The following BRAP variants were observed in gnomAD, a reference collection of about 807,000 sequenced individuals.
BRAP encodes BRCA1 associated protein.
BRAP carries 42 observed loss-of-function variants against 73.4 expected under a neutral mutation model. The observed-to-expected ratio is 0.57, with a 90% CI of 0.45 to 0.74. The LOEUF is 0.74. Among genes scored for constraint, BRAP ranks in the 30% least tolerant of loss-of-function variants. The probability of loss-of-function intolerance (pLI) is 0.00; values close to 1 mark genes in which losing one functional copy is unlikely to be tolerated. For missense variants in BRAP, 593 were observed against 751.4 expected (o/e 0.79, Z 2.46); for synonymous variants, 255 against 267.4 (o/e 0.95, Z 0.45).
intron 5 of BRAP, among the ~76,000 whole-genome samples, chr12:111,670,579 G>T (rs962418200): frequency 6.6e-6 from 1 of 152,074 alleles, no homozygotes; most frequent in Non-Finnish European, 1.5e-5. Context: ...CTGCAACCTC[G>T]GCCTCCGGGG....
chr12:111,673,510 G>GAAAAAAAAAAAAAAAAA (rs11350832), intron 4 of BRAP, among the ~76,000 whole-genome samples: 1 of 118,160 alleles, frequency 8.5e-6, no homozygotes. Context: ...ATCTCAAAAA[G>GAAAAAAAAAAAAAAAAA]AAAAAAAAAA....
At chr12:111,645,157 C>T (rs193273246) in intron 11 of BRAP, among the ~76,000 whole-genome samples, 291 of 152,058 alleles carry the variant, frequency 1.9e-3, no homozygotes, top group Middle Eastern at 0.01. Flanking sequence ...CAACCTCTGC[C>T]GCTTGGGTTC....
intron 6 of BRAP, among the ~76,000 whole-genome samples, chr12:111,662,757 CAGAATGCAGAAA>C (rs1184062533): frequency 3.9e-5 from 6 of 151,920 alleles, no homozygotes; most frequent in African/African-American, 1.4e-4. Flanking sequence ...AGCCAGAAAG[CAGAATGCAGAAA>C]GTAGAAATTG....
At chr12:111,659,973 A>G (rs1886684627) in intron 7 of BRAP, among the ~76,000 whole-genome samples, 1 of 151,574 alleles carries the variant, frequency 6.6e-6, no homozygotes, top group Admixed American at 6.6e-5. Flanking sequence ...GCTTGGGAAG[A>G]TGAGATGGGA....
intron 11 of BRAP, among the ~76,000 whole-genome samples, chr12:111,646,631 G>A (rs1886121814): frequency 6.6e-6 from 1 of 152,038 alleles, no homozygotes; most frequent in South Asian, 2.1e-4. Context: ...AAATTAGCCG[G>A]GTGTGGTAGC....
At chr12:111,657,753 C>A (rs1375532177) in intron 9 of BRAP, among the ~76,000 whole-genome samples, 1 of 152,076 alleles carries the variant, frequency 6.6e-6, no homozygotes, top group Admixed American at 6.6e-5. Flanking sequence ...GTGGCACACA[C>A]CTGTAGTCCC....
intron 5 of BRAP, among the ~76,000 whole-genome samples, chr12:111,670,818 G>A (rs1262306585): frequency 6.6e-6 from 1 of 152,110 alleles, no homozygotes; most frequent in African/African-American, 2.4e-5. Flanking sequence ...AAAGAAATCT[G>A]GCCGGGCGCG....
intron 1 of BRAP, among the ~76,000 whole-genome samples, chr12:111,684,571 ATC>A (rs1290983507): frequency 6.6e-6 from 1 of 151,982 alleles, no homozygotes; most frequent in Non-Finnish European, 1.5e-5. Flanking sequence ...TATTTAATTC[ATC>A]TGTTTCCTCC....
intron 11 of BRAP, among the ~76,000 whole-genome samples, chr12:111,646,760 A>T (rs538527314): frequency 1.8e-4 from 27 of 152,336 alleles, no homozygotes; most frequent in African/African-American, 6.5e-4. Flanking sequence ...GTGACAGAGC[A>T]AGATTCCGTC....
rs560400429 is a variant in BRAP, at chr12:111,669,486, G to A, written c.747+3175C>T. Reference sequence around the variant, plus strand: ...GGTGATCCGCCTGCCTTCGCCTCCCGAAGTGCTGGGATTACAGGTGTGAGC... The same window carrying A: ...GGTGATCCGCCTGCCTTCGCCTCCCAAAGTGCTGGGATTACAGGTGTGAGC... On this transcript the variant is annotated intron_variant, in intron 5 of 11. Coordinates refer to ENST00000419234, the MANE Select transcript of BRAP (RefSeq NM_006768.5). 2.8e-4 allele frequency among the ~76,000 whole-genome samples: 43 copies of A among 151,932 alleles called. 1 individual carries two copies. Among genetic ancestry groups the A allele is most frequent in the South Asian group, 4.2e-4 (2 of 4,806 alleles).
At chr12:111,651,364 C>A (rs572907015) in intron 10 of BRAP, among the ~76,000 whole-genome samples, 1 of 151,954 alleles carries the variant, frequency 6.6e-6, no homozygotes, top group South Asian at 2.1e-4. Flanking sequence ...ATGGCGAAAG[C>A]CCGTCTCTAC....
chr12:111,644,859 C>A (rs1022360538), intron 11 of BRAP, among the ~76,000 whole-genome samples: 1 of 151,952 alleles, frequency 6.6e-6, no homozygotes, highest in Admixed American at 6.6e-5. Context: ...TGGGTTCAAG[C>A]GATTCTCCTG....
intron 10 of BRAP, among the ~76,000 whole-genome samples, chr12:111,651,277 C>T (rs1180122836): frequency 5.9e-5 from 9 of 151,902 alleles, no homozygotes; most frequent in African/African-American, 2.2e-4. Context: ...TGATGGCTCA[C>T]GCCTGTAATC....
chr12:111,652,955 C>T (rs758406065), intron 10 of BRAP, among the ~76,000 whole-genome samples: 12 of 152,164 alleles, frequency 7.9e-5, no homozygotes, highest in African/African-American at 9.7e-5. Context: ...ATGATCCGCC[C>T]GCCTTGGTCT....
At chr12:111,654,647 A>T (rs1252323088) in intron 10 of BRAP, among the ~76,000 whole-genome samples, 1 of 151,990 alleles carries the variant, frequency 6.6e-6, no homozygotes, top group African/African-American at 2.4e-5. Flanking sequence ...ATTTTTACAG[A>T]CCTTGATTTT....
chr12:111,685,560 G>A (rs567375867), intron 1 of BRAP, 151 bp downstream of exon 1: 11 of 1,354,876 alleles, frequency 8.1e-6, no homozygotes, highest in Admixed American at 6.7e-5. Flanking sequence ...TCTCAAAGGC[G>A]GATGGGAAAG....
At chr12:111,676,210 A>G (rs1011231360) in intron 4 of BRAP, among the ~76,000 whole-genome samples, 2 of 152,206 alleles carry the variant, frequency 1.3e-5, no homozygotes, top group African/African-American at 4.8e-5. Context: ...TAAGGCCAAC[A>G]GAAATTCAAA....
At position 111,672,950 on chromosome 12, in the gene BRAP, T is replaced by C. The variant is rs1377576588; in HGVS notation, c.634-176A>G. 3 of 552,520 alleles carry C rather than the reference T, an allele frequency of 5.4e-6. No homozygotes were observed. The African/African-American group carries it at 5.7e-5, about 11-fold the overall frequency. 34.2% of individuals were successfully genotyped at this position (552,520 alleles called of 1,614,324 possible). On this transcript the variant is annotated intron_variant, in intron 4 of 11. Coordinates refer to ENST00000419234, the MANE Select transcript of BRAP (RefSeq NM_006768.5). ...AAGCTGATTGGTAGGCTAATCACAC[T>C]CTGTAAGTCAATATTCCATGTTTAC... is the stretch of plus-strand genomic sequence containing the variant.
At position 111,679,326 on chromosome 12, in the gene BRAP, AAGG is replaced by A. The variant is rs1297941529; in HGVS notation, c.455_457del (p.Ser152del). On this transcript the variant is annotated inframe_deletion, in exon 4 of 12. Coordinates refer to ENST00000419234, the MANE Select transcript of BRAP (RefSeq NM_006768.5). ...GGCACTGCGCCGCACATCTTCTTTT[AAGG>A]AGGTCATCTTACTAACAAAAAAAAA... 21 of 1,547,290 alleles carry A rather than the reference AAGG, an allele frequency of 1.4e-5. No homozygotes were observed. Among genetic ancestry groups the A allele is most frequent in the Non-Finnish European group, 1.2e-5 (14 of 1,142,840 alleles).
Sources: gnomAD v4.1 joint callset for allele counts (sites outside exome capture counted in the v4.1 genomes callset) on GRCh38, gnomAD v4.1.1 for gene constraint, MANE v1.5 for transcripts, NCBI Gene and HGNC (gene_info 2026-07-23, HGNC 2026-07-21) for gene names.